The following FANCC variants were observed in gnomAD, a reference collection of about 807,000 sequenced individuals.
The protein encoded by FANCC is Fanconi anemia group C protein.
Under a neutral mutation model 71.3 loss-of-function variants are expected in FANCC, and 55 were observed. The ratio of observed to expected loss-of-function variants is 0.77; its 90% confidence interval spans 0.62 to 0.97. The LOEUF is 0.97. FANCC is among the 50% of genes least tolerant of loss of function. The pLI, the probability that FANCC is intolerant of heterozygous loss-of-function variation, is 0.00. For synonymous variants in FANCC, 275 were observed against 244.9 expected, an observed-to-expected ratio of 1.12 and a Z score of -1.15; for missense variants, 678 against 670.9, an observed-to-expected ratio of 1.01 and a Z score of -0.12.
chr9:95,187,555 T>G (rs1588247442), intron 4 of FANCC, among the ~76,000 whole-genome samples: 1 of 152,214 alleles, frequency 6.6e-6, no homozygotes, highest in Admixed American at 6.5e-5. Context: ...CAGACCACCT[T>G]GGTCCCACCC....
At chr9:95,293,210 CA>C in intron 1 of FANCC, 2 of 1,612,864 alleles carry the variant, frequency 1.2e-6, no homozygotes, top group Non-Finnish European at 1.7e-6. Context: ...GAGATAGCCT[CA>C]AAAGTTGCTT....
At chr9:95,170,637 CGTGTGTGTGTGTGTGTGT>C (rs3992109) in intron 6 of FANCC, among the ~76,000 whole-genome samples, 3 of 124,290 alleles carry the variant, frequency 2.4e-5, no homozygotes, top group African/African-American at 6.1e-5. Flanking sequence ...TTGTAAATAT[CGTGTGTGTGTGTGTGTGT>C]GTGTGTGTGT....
At chr9:95,229,770 T>TACACAC (rs3030656) in intron 4 of FANCC, among the ~76,000 whole-genome samples, 28 of 148,426 alleles carry the variant, frequency 1.9e-4, no homozygotes, top group African/African-American at 4.7e-4. Flanking sequence ...TGCACACATG[T>TACACAC]ACACACACAC....
At chr9:95,227,719 G>C (rs1482785553) in intron 4 of FANCC, among the ~76,000 whole-genome samples, 2 of 152,174 alleles carry the variant, frequency 1.3e-5, no homozygotes, top group East Asian at 3.9e-4. Context: ...CAAGTTAAGT[G>C]AATTCTTTAC....
chr9:95,295,773 A>G (rs75925193), intron 1 of FANCC, among the ~76,000 whole-genome samples: 2 of 151,050 alleles, frequency 1.3e-5, no homozygotes, highest in African/African-American at 4.8e-5. Context: ...TATCAATTAA[A>G]AAAAAAAAAA....
chr9:95,184,433 AAAAG>A (rs1449139935), intron 4 of FANCC, among the ~76,000 whole-genome samples: 1 of 152,206 alleles, frequency 6.6e-6, no homozygotes, highest in Non-Finnish European at 1.5e-5. Context: ...CTTCACTAAA[AAAAG>A]AAAGAAATGT....
At chr9:95,140,399 A>G (rs1420954022) in intron 7 of FANCC, among the ~76,000 whole-genome samples, 1 of 152,190 alleles carries the variant, frequency 6.6e-6, no homozygotes, top group Non-Finnish European at 1.5e-5. Context: ...ATCCTTTACA[A>G]AAAGAGGTAG....
intron 4 of FANCC, among the ~76,000 whole-genome samples, chr9:95,205,196 T>C (rs1051078742): frequency 6.6e-6 from 1 of 152,204 alleles, no homozygotes. Flanking sequence ...GACAATGTCA[T>C]TATAAATTCT....
chr9:95,215,444 C>T (rs1437253015), intron 4 of FANCC, among the ~76,000 whole-genome samples: 1 of 151,896 alleles, frequency 6.6e-6, no homozygotes, highest in Admixed American at 6.6e-5. Context: ...GAACAGATGA[C>T]AAAAATAGAA....
At chr9:95,163,361 G>A (rs1416452620) in intron 6 of FANCC, among the ~76,000 whole-genome samples, 1 of 152,164 alleles carries the variant, frequency 6.6e-6, no homozygotes, top group Non-Finnish European at 1.5e-5. Context: ...TTGAAAAAAG[G>A]AAGTATGAGG....
chr9:95,273,805 T>A (rs952161231), intron 1 of FANCC, among the ~76,000 whole-genome samples: 3 of 152,310 alleles, frequency 2.0e-5, no homozygotes, highest in Non-Finnish European at 1.5e-5. Flanking sequence ...ACGGGGTCAG[T>A]TGCTCATCCC....
Position 95,101,601 on chromosome 9 carries a change from G to A in FANCC, c.*106C>T, listed in dbSNP as rs2071073708. 1 of 1,376,502 alleles carries A rather than the reference G, an allele frequency of 7.3e-7. No homozygotes were observed. The highest frequency in any genetic ancestry group is 1.4e-5 in the African/African-American group (1 of 69,944). The allele number at this position is 1,376,502 out of a possible 1,614,324, so 85.3% of individuals were successfully genotyped here. A position where few individuals can be genotyped will look rare whatever the true frequency, so the allele number is the denominator to read the frequency against. ...GTGTACAGCTCATTCTCACAGCCCA[G>A]CGAGGGCACTTACTCCACAAATGCG... is the stretch of plus-strand genomic sequence containing the variant. On this transcript the variant is annotated 3_prime_UTR_variant, in exon 15 of 15. Transcript: ENST00000289081.
intron 4 of FANCC, among the ~76,000 whole-genome samples, chr9:95,178,109 T>C (rs945925497): frequency 6.6e-6 from 1 of 152,062 alleles, no homozygotes; most frequent in African/African-American, 2.4e-5. Context: ...ACCAAGACAA[T>C]TCTTCCAATG....
chr9:95,269,202 G>T (rs1056338481), intron 1 of FANCC, among the ~76,000 whole-genome samples: 1 of 152,050 alleles, frequency 6.6e-6, no homozygotes, highest in Non-Finnish European at 1.5e-5. Flanking sequence ...AATGAATACT[G>T]CCATTTCTAG....
chr9:95,221,677 C>A (rs972905306), intron 4 of FANCC, among the ~76,000 whole-genome samples: 2 of 152,068 alleles, frequency 1.3e-5, no homozygotes, highest in African/African-American at 4.8e-5. Context: ...GTCTTACACA[C>A]CTTAAGAAGA....
chr9:95,143,461 C>G (rs1305919532), intron 7 of FANCC, among the ~76,000 whole-genome samples: 2 of 152,166 alleles, frequency 1.3e-5, no homozygotes, highest in African/African-American at 4.8e-5. Context: ...GGAGTCACTT[C>G]ATTAGCCTAC....
rs770743418 is a variant in FANCC, at chr9:95,240,715, G to A, written c.279C>T (p.Cys93=). ...YDESQKILIW[C]LCCLINKEPQ... is the part of the protein sequence containing the mutation. ...GTTCTTTGTTAATTAGACAACATAAGCACCATATTAGAATTTTTTGGCTTT... is the reference window on the plus strand; with the variant it reads ...GTTCTTTGTTAATTAGACAACATAAACACCATATTAGAATTTTTTGGCTTT... Residue 93 remains cysteine, a synonymous_variant, in exon 4 of 15, where the codon TGC becomes TGT. Transcript: ENST00000289081. 1 of 1,612,586 alleles carries A rather than the reference G, an allele frequency of 6.2e-7. No homozygotes were observed.
At chr9:95,154,502 C>T (rs1426585726) in intron 6 of FANCC, among the ~76,000 whole-genome samples, 2 of 152,096 alleles carry the variant, frequency 1.3e-5, no homozygotes, top group Admixed American at 1.3e-4. Context: ...GAATGGAATG[C>T]TATATGGCAG....
At chr9:95,207,529 C>T (rs764855377) in intron 4 of FANCC, among the ~76,000 whole-genome samples, 17 of 152,060 alleles carry the variant, frequency 1.1e-4, no homozygotes, top group Admixed American at 7.9e-4. Context: ...ACCACAAGAC[C>T]GAGACTCAGA....
Sources: gnomAD v4.1 joint callset for allele counts (sites outside exome capture counted in the v4.1 genomes callset) on GRCh38, gnomAD v4.1.1 for gene constraint, MANE v1.5 for transcripts, NCBI Gene and HGNC (gene_info 2026-07-23, HGNC 2026-07-21) for gene names.